Variants in LSM14B observed in about 807,000 individuals in gnomAD.
LSM14B encodes LSM family member 14B, also known as protein LSM14 homolog B.
A neutral mutation model predicts 42.1 loss-of-function variants in LSM14B; 8 were observed. That is an observed-to-expected ratio of 0.19 (90% CI 0.11 to 0.34). The LOEUF (loss-of-function observed/expected upper bound fraction) is 0.34, where lower values mean the gene tolerates loss of function less well. Ranked by LOEUF, LSM14B falls within the 10% of genes least tolerant of loss-of-function variation. The probability of loss-of-function intolerance (pLI) is 1.00; values close to 1 mark genes in which losing one functional copy is unlikely to be tolerated. For synonymous variants in LSM14B, 219 were observed against 209.7 expected (o/e 1.04, Z -0.38); for missense variants, 396 against 513.1 (o/e 0.77, Z 2.21).
intron 3 of LSM14B, chr20:62,127,437 C>T: frequency 1.6e-6 from 1 of 633,558 alleles, no homozygotes. Flanking sequence ...CTTCCCAGCC[C>T]AGCTCTCTGG....
chr20:62,133,384 G>A lies in LSM14B; in HGVS notation c.1081G>A (p.Gly361Arg), dbSNP rs1335827345. ...TCTTCGTGGCCGCAGTTCTCGGGGC[G>A]GATTCCGAGGAGGCAGGGGCAATGG... is the stretch of plus-strand genomic sequence containing the variant. ...RFLRGRSSRG[G>R]FRGGRGNGTT... Residue 361 changes from glycine (G) to arginine (R), a missense_variant, in exon 8 of 9, where the codon GGA (glycine) becomes AGA (arginine). Around this residue, in one of 3 missense-constraint regions of LSM14B, gnomAD observed 118 missense variants for 156.4 expected, o/e 0.75. Coordinates refer to ENST00000279068, the MANE Select transcript of LSM14B (RefSeq NM_144703.3). The A allele has an allele frequency of 5.6e-6, 9 of 1,613,276 alleles. No homozygotes were observed. Among genetic ancestry groups the A allele is most frequent in the East Asian group, 2.2e-5 (1 of 44,848 alleles).
rs1207559478 is a variant in LSM14B at position 62,126,414 on chromosome 20, G to A, written c.402G>A (p.Gln134=). 1 of 1,610,430 alleles carries A rather than the reference G, an allele frequency of 6.2e-7. No homozygotes were observed. The highest frequency in any genetic ancestry group is 1.1e-5 in the South Asian group (1 of 90,978). ...TGGCGGCCAGCTCCCTGCTCAGCCAGCAGTATGCCGCCTCCCTGGGTCTAG... is the reference window on the plus strand; with the variant it reads ...TGGCGGCCAGCTCCCTGCTCAGCCAACAGTATGCCGCCTCCCTGGGTCTAG... ...GPLAASSLLS[Q]QYAASLGLGA... Residue 134 remains glutamine, a synonymous_variant, in exon 3 of 9, where the codon CAG becomes CAA. Transcript: ENST00000279068.
rs535389394 is a variant in LSM14B at position 62,122,623 on chromosome 20, G to A, written c.-44G>A. The A allele has an allele frequency of 3.7e-4, 448 of 1,216,196 alleles. 10 individuals are homozygous for A. The South Asian group carries it at 7.2e-3, about 20-fold the overall frequency. 75.3% of individuals were successfully genotyped at this position (1,216,196 alleles called of 1,614,324 possible). ...GCGGCGGCGGAGCGGGCCGCGGCCC[G>A]GCGCTCCTTCCCCACCGCGGCCCGA... On this transcript the variant is annotated 5_prime_UTR_variant, in exon 1 of 9. Transcript: ENST00000279068. This position sits in a 1 kb window ranked among gnomAD's most constrained non-coding sequence, Gnocchi z 4.6.
intron 3 of LSM14B, chr20:62,128,128 T>C: frequency 2.5e-6 from 1 of 398,348 alleles, no homozygotes; most frequent in Admixed American, 4.1e-5. Context: ...GATTCAAAAT[T>C]AGGGGCTTGG....
Position 62,122,629 on chromosome 20 carries a change from C to T in LSM14B, c.-38C>T. ...GCGGAGCGGGCCGCGGCCCGGCGCT[C>T]CTTCCCCACCGCGGCCCGACGCACC... On this transcript the variant is annotated 5_prime_UTR_variant, in exon 1 of 9. Transcript: ENST00000279068. This position sits in a 1 kb window ranked among gnomAD's most constrained non-coding sequence, Gnocchi z 4.6. 7.9e-7 allele frequency: 1 copy of T among 1,273,412 alleles called. No individual in the cohort carries two copies. The highest frequency in any genetic ancestry group is 1.0e-6 in the Non-Finnish European group (1 of 984,438). 78.9% of individuals were successfully genotyped at this position (1,273,412 alleles called of 1,614,324 possible).
At chr20:62,131,130 G>A (rs988524342) in intron 6 of LSM14B, among the ~76,000 whole-genome samples, 1 of 152,218 alleles carries the variant, frequency 6.6e-6, no homozygotes, top group African/African-American at 2.4e-5. Flanking sequence ...GAAGTGAGGT[G>A]CTGGGAGGTG....
At chr20:62,126,526 A>C (rs958727195) in intron 3 of LSM14B, 87 bp downstream of exon 3, 7 of 1,502,746 alleles carry the variant, frequency 4.7e-6, no homozygotes, top group Admixed American at 1.8e-5. Context: ...GGGGATATGC[A>C]TTCCTGTCAT....
At chr20:62,127,336 AGT>A (rs1369202527) in intron 3 of LSM14B, among the ~76,000 whole-genome samples, 2 of 152,258 alleles carry the variant, frequency 1.3e-5, no homozygotes, top group African/African-American at 4.8e-5. Context: ...AGCATGAAGT[AGT>A]GAGACAGGGA....
chr20:62,126,180 C>T (rs1230261731), intron 2 of LSM14B, 124 bp from the exon 3 acceptor site: 2 of 1,446,696 alleles, frequency 1.4e-6, no homozygotes, highest in Non-Finnish European at 1.9e-6. Flanking sequence ...AGGGCTCCTC[C>T]AGCATCTCAA....
intron 3 of LSM14B, chr20:62,128,047 G>A: frequency 1.8e-6 from 1 of 567,828 alleles, no homozygotes; most frequent in Non-Finnish European, 3.2e-6. Flanking sequence ...CTGCAGGGGG[G>A]ACTCCCCAAA....
At chr20:62,131,843 C>CTGGCAGCCTGAGGTCCTTGCT (rs2056775632) in intron 7 of LSM14B, among the ~76,000 whole-genome samples, 1 of 152,272 alleles carries the variant, frequency 6.6e-6, no homozygotes, top group African/African-American at 2.4e-5. Flanking sequence ...TCCCGCTGGC[C>CTGGCAGCCTGAGGTCCTTGCT]TGGCAGCCTG....
chr20:62,122,722 A>G lies in LSM14B; in HGVS notation c.56A>G (p.Lys19Arg), dbSNP rs764672388. 1 of 1,521,606 alleles carries G rather than the reference A, an allele frequency of 6.6e-7. No individual in the cohort carries two copies. Among genetic ancestry groups the G allele is most frequent in the Non-Finnish European group, 8.9e-7 (1 of 1,129,856 alleles). 94.3% of individuals were successfully genotyped at this position (1,521,606 alleles called of 1,614,324 possible). A position where few individuals can be genotyped will look rare whatever the true frequency, so the allele number is the denominator to read the frequency against. The change falls in exon 1 of 9, where the codon AAG becomes AGG. Residue 19 changes from lysine (K) to arginine (R), a missense_variant. Transcript: ENST00000279068. The surrounding 1 kb of genome is among the most constrained non-coding windows in gnomAD (Gnocchi z 4.6). ...GGCAGCAAGATCAGCCTCATCTCCA[A>G]GGCGCAGATCCGCTACGAGGGCATT... ...YLGSKISLIS[K>R]AQIRYEGILY...
chr20:62,128,550 A>G (rs184565037), intron 3 of LSM14B, among the ~76,000 whole-genome samples: 74 of 152,272 alleles, frequency 4.9e-4, no homozygotes, highest in Non-Finnish European at 4.4e-4. Flanking sequence ...AGGATCAGTT[A>G]CCTAAACCTG....
Position 62,135,247 on chromosome 20 carries a change from T to A in LSM14B, c.*1099T>A, listed in dbSNP as rs1043884507. 6.6e-6 allele frequency: 1 copy of A among 152,238 alleles called. No individual in the cohort carries two copies. The highest frequency in any genetic ancestry group is 2.4e-5 in the African/African-American group (1 of 41,460). 9.4% of individuals were successfully genotyped at this position (152,238 alleles called of 1,614,324 possible). A position where few individuals can be genotyped will look rare whatever the true frequency, so the allele number is the denominator to read the frequency against. ...ATAAAGGCTTTAGTTCTGTATTGAT[T>A]AAGTTACTGTAAAAGCTTGGGTTTA... On this transcript the variant is annotated 3_prime_UTR_variant, in exon 9 of 9. Coordinates refer to ENST00000279068, the MANE Select transcript of LSM14B (RefSeq NM_144703.3).
intron 6 of LSM14B, 53 bp from the exon 7 acceptor site, chr20:62,131,303 G>C: frequency 6.5e-7 from 1 of 1,538,046 alleles, no homozygotes; most frequent in African/African-American, 1.4e-5. Context: ...CCTGCTAAAA[G>C]GCTGTGCGCT....
At position 62,134,164 on chromosome 20, in the gene LSM14B, C is replaced by T. The variant is rs1477563885; in HGVS notation, c.*16C>T. The T allele has an allele frequency of 8.7e-6, 4 of 459,056 alleles. No homozygotes were observed. The highest frequency in any genetic ancestry group is 7.4e-5 in the Admixed American group (3 of 40,608). The allele number at this position is 459,056 out of a possible 1,614,324, so 28.4% of individuals were successfully genotyped here. A position where few individuals can be genotyped will look rare whatever the true frequency, so the allele number is the denominator to read the frequency against. On this transcript the variant is annotated splice_region_variant and 3_prime_UTR_variant, in exon 9 of 9. Coordinates refer to ENST00000279068, the MANE Select transcript of LSM14B (RefSeq NM_144703.3). ...TTGACTTCCTGTCATCTCTTGCAGG[C>T]TCCTACTGAAGTGGCGCATAACTGA...
Position 62,126,355 on chromosome 20 carries a change from A to G in LSM14B, c.343A>G (p.Ser115Gly), listed in dbSNP as rs761561788. ...GCCCTTCCAGCCGCACGTGCCTTAC[A>G]GCCCTTTCCGAGGGATGGCGCCCTA... is the stretch of plus-strand genomic sequence containing the variant. ...ASPFQPHVPY[S>G]PFRGMAPYGP... The change falls in exon 3 of 9, where the codon AGC (serine) becomes GGC (glycine). Residue 115 changes from serine to glycine, a missense_variant. Physicochemically the swap from Ser to Gly is moderately conservative, Grantham distance 56. Transcript: ENST00000279068. The G allele has an allele frequency of 2.0e-5, 33 of 1,613,512 alleles. No individual in the cohort carries two copies. The highest frequency in any genetic ancestry group is 6.7e-5 in the Admixed American group (4 of 60,008).
chr20:62,123,345 A>G (rs2056470397), intron 1 of LSM14B: 1 of 152,478 alleles, frequency 6.6e-6, no homozygotes, highest in South Asian at 2.1e-4. Flanking sequence ...CTGAACAAAT[A>G]CCGCGTCCTA....
At chr20:62,126,580 C>A in intron 3 of LSM14B, 141 bp downstream of exon 3, 1 of 1,115,064 alleles carries the variant, frequency 9.0e-7, no homozygotes, top group Non-Finnish European at 1.3e-6. Context: ...GTAAATTACC[C>A]AGTGCAACTT....
Sources: allele counts gnomAD v4.1 joint callset (sites outside exome capture counted in the v4.1 genomes callset), GRCh38; gene constraint gnomAD v4.1.1; regional missense constraint gnomAD v4.1.1; non-coding constraint Gnocchi (gnomAD v3.1); transcripts MANE v1.5; gene names NCBI Gene and HGNC (gene_info 2026-07-23, HGNC 2026-07-21).